Variants in CMYA5 observed in about 807,000 individuals in gnomAD.
The protein encoded by CMYA5 is cardiomyopathy associated 5.
Under a neutral mutation model 318.9 loss-of-function variants are expected in CMYA5, and 246 were observed. That is an observed-to-expected ratio of 0.77 (90% CI 0.70 to 0.86). The LOEUF (loss-of-function observed/expected upper bound fraction) is 0.86. Ranked by LOEUF, CMYA5 falls within the 40% of genes least tolerant of loss-of-function variation. The pLI is 0.00. For missense variants in CMYA5, 4,589 were observed against 4,678.2 expected, an observed-to-expected ratio of 0.98 and a Z score of 0.56; for synonymous variants, 1,641 against 1,729.5, an observed-to-expected ratio of 0.95 and a Z score of 1.27.
Position 79,745,443 on chromosome 5 carries a change from C to T in CMYA5, c.10956C>T (p.Ala3652=), listed in dbSNP as rs769944134. ...GAGAAGCAGAGGAGCTTGATGAGGCCGTCTTCCTGACTGTAAGTGCCAAGT... is the reference window on the plus strand; with the variant it reads ...GAGAAGCAGAGGAGCTTGATGAGGCTGTCTTCCTGACTGTAAGTGCCAAGT... The part of the protein sequence containing the change: ...IVREAEELDE[A]VFLTSFEEIN... The change falls in exon 4 of 13, where the codon GCC becomes GCT. Residue 3652 remains alanine, a synonymous_variant. Transcript: ENST00000446378. 7.4e-6 allele frequency: 12 copies of T among 1,613,264 alleles called. No homozygotes were observed. In the African/African-American group the frequency reaches 8.0e-5, roughly 11 times the overall value.
rs758065970 is a variant in CMYA5 at position 79,731,691 on chromosome 5, A to G, written c.2926A>G (p.Ile976Val). ...EKREFECDSPICLTSPSEHTI... is the reference protein window; with the variant it reads ...EKREFECDSPVCLTSPSEHTI... ...AAGAGAATTTGAGTGCGATTCTCCA[A>G]TATGTTTAACATCACCATCTGAGCA... Residue 976 changes from isoleucine to valine, a missense_variant, in exon 2 of 13, where the codon ATA becomes GTA. By Grantham distance (29) the Ile-to-Val change is conservative (BLOSUM62 3). Coordinates refer to ENST00000446378, the MANE Select transcript of CMYA5 (RefSeq NM_153610.5). The G allele has an allele frequency of 2.4e-5, 39 of 1,613,852 alleles. No individual in the cohort carries two copies. In the South Asian group the frequency reaches 3.6e-4, roughly 15 times the overall value.
intron 8 of CMYA5, 121 bp from the exon 9 acceptor site, chr5:79,762,941 C>G: frequency 1.7e-6 from 2 of 1,158,944 alleles, no homozygotes. Flanking sequence ...ACACAGAATA[C>G]ACTTTCTGAT....
chr5:79,729,201 C>T lies in CMYA5; in HGVS notation c.436C>T (p.Arg146Cys), dbSNP rs1323304506. 4.3e-6 allele frequency: 7 copies of T among 1,612,742 alleles called. No homozygotes were observed. Among genetic ancestry groups the T allele is most frequent in the Middle Eastern group, 1.6e-4 (1 of 6,072 alleles). ...GTCAAAGCATGGTTCACCATCATTA[C>T]GCCGGAAAGGCAACAGAAAAAGAAA... ...HKSKHGSPSL[R>C]RKGNRKRNSF... The change falls in exon 2 of 13, where the codon CGC (arginine) becomes TGC (cysteine). Residue 146 changes from arginine (R) to cysteine (C), a missense_variant. Arg to Cys is a radical substitution (Grantham distance 180, BLOSUM62 -3). Transcript: ENST00000446378.
chr5:79,760,028 G>T (rs890187223), intron 7 of CMYA5, among the ~76,000 whole-genome samples: 1 of 152,068 alleles, frequency 6.6e-6, no homozygotes, highest in Non-Finnish European at 1.5e-5. Context: ...CATGACCGGG[G>T]GCAGGAGTCA....
In CMYA5 at chr5:79,739,240, C is replaced by T; in HGVS notation, c.10475C>T (p.Ser3492Leu). ...GSERKEEDQL[S>L]SEVVTEKAQK... Reference sequence around the variant, plus strand: ...GAGAGGAAAGAAGAAGACCAATTATCATCTGAGGTAGTAACTGAAAAGGCA... The same window carrying T: ...GAGAGGAAAGAAGAAGACCAATTATTATCTGAGGTAGTAACTGAAAAGGCA... Residue 3492 changes from serine (S) to leucine (L), a missense_variant, in exon 2 of 13, where the codon TCA becomes TTA. Physicochemically the swap from Ser to Leu is moderately radical, Grantham distance 145. Coordinates refer to ENST00000446378, the MANE Select transcript of CMYA5 (RefSeq NM_153610.5). 1 of 1,612,818 alleles carries T rather than the reference C, an allele frequency of 6.2e-7. No homozygotes were observed.
intron 4 of CMYA5, 77 bp from the exon 5 acceptor site, chr5:79,747,014 G>T: frequency 2.3e-6 from 2 of 885,292 alleles, no homozygotes; most frequent in African/African-American, 1.7e-5. Context: ...TCTTTCTGTT[G>T]TTAATTAGCT....
At chr5:79,794,036 A>G (rs894823830) in intron 12 of CMYA5, among the ~76,000 whole-genome samples, 5 of 152,158 alleles carry the variant, frequency 3.3e-5, no homozygotes, top group Admixed American at 2.0e-4. Flanking sequence ...CACAGGGTGG[A>G]GAGAGACCAC....
chr5:79,734,345 T>G lies in CMYA5; in HGVS notation c.5580T>G (p.Asn1860Lys). 1 of 1,613,832 alleles carries G rather than the reference T, an allele frequency of 6.2e-7. No individual in the cohort carries two copies. Among genetic ancestry groups the G allele is most frequent in the Non-Finnish European group, 8.5e-7 (1 of 1,179,800 alleles). The change falls in exon 2 of 13, where the codon AAT becomes AAG. Residue 1860 changes from asparagine (N) to lysine (K), a missense_variant. Physicochemically the swap from Asn to Lys is moderately conservative, Grantham distance 94 (BLOSUM62 0). This residue lies in a region of CMYA5 where 2,132 missense variants were observed against 2,131.3 expected (regional missense o/e 1.00). Coordinates refer to ENST00000446378, the MANE Select transcript of CMYA5 (RefSeq NM_153610.5). ...GIKQFSLMRE[N>K]LPLEQSKSFM... ...AGCAGTTTTCACTTATGAGAGAGAATTTGCCTTTGGAACAATCAAAATCAT... is the reference window on the plus strand; with the variant it reads ...AGCAGTTTTCACTTATGAGAGAGAAGTTGCCTTTGGAACAATCAAAATCAT...
chr5:79,705,575 C>A (rs969002409), intron 1 of CMYA5, among the ~76,000 whole-genome samples: 5 of 152,150 alleles, frequency 3.3e-5, no homozygotes, highest in African/African-American at 7.2e-5. Context: ...TTCCCACCCA[C>A]ACATCTTCCC....
In CMYA5 at chr5:79,770,948, C is replaced by T. The variant is rs1240782765; in HGVS notation, c.11555+7739C>T. Among the ~76,000 whole-genome samples, 3 of 151,484 alleles carry T rather than the reference C, an allele frequency of 2.0e-5. No individual in the cohort carries two copies. In the East Asian group the frequency reaches 5.9e-4, roughly 30 times the overall value. On this transcript the variant is annotated intron_variant, in intron 9 of 12. Coordinates refer to ENST00000446378, the MANE Select transcript of CMYA5 (RefSeq NM_153610.5). ...TGGGATGTAGGCATTTAAGCAGAAG[C>T]GTAAACATAATAAGTGTTCAAGAAA...
chr5:79,763,374 A>C, intron 9 of CMYA5, 165 bp downstream of exon 9: 1 of 588,038 alleles, frequency 1.7e-6, no homozygotes. Context: ...CAGTTCACCA[A>C]TGAACTCCAA....
rs115257738 is a variant in CMYA5, at chr5:79,743,547, A to G, written c.10639-280A>G. ...AGTTCATTAAAACAGGTATGTTTTG[A>G]GCTCATCAGTTTATCAAGAAAGTCC... On this transcript the variant is annotated intron_variant, in intron 2 of 12. Coordinates refer to ENST00000446378, the MANE Select transcript of CMYA5 (RefSeq NM_153610.5). 8.8e-3 allele frequency among the ~76,000 whole-genome samples: 1,332 copies of G among 152,220 alleles called. 25 individuals carry two copies. Among genetic ancestry groups the G allele is most frequent in the African/African-American group, 0.03 (1,253 of 41,558 alleles).
chr5:79,750,612 A>C (rs533360303), intron 5 of CMYA5, among the ~76,000 whole-genome samples: 87 of 152,212 alleles, frequency 5.7e-4, no homozygotes, highest in African/African-American at 2.0e-3. Context: ...GCTTTTTCTC[A>C]ACACTAAAAA....
intron 11 of CMYA5, among the ~76,000 whole-genome samples, chr5:79,791,365 G>C (rs752739984): frequency 6.6e-6 from 1 of 152,070 alleles, no homozygotes; most frequent in Non-Finnish European, 1.5e-5. Flanking sequence ...GAAAAAAAGG[G>C]TCCAGTAATT....
chr5:79,762,934 C>A, intron 8 of CMYA5, 128 bp from the exon 9 acceptor site: 1 of 1,099,672 alleles, frequency 9.1e-7, no homozygotes, highest in Non-Finnish European at 1.3e-6. Context: ...GTTTTTAACA[C>A]AGAATACACT....
rs1827980853 is a variant in CMYA5, at chr5:79,733,809, A to T, written c.5044A>T (p.Lys1682Ter). ...AGCTGAGCTTAGGAGCAGAGAAGGA[A>T]AAGAAGAAAATAGAGAGCTTTGTGC... ...GPAELRSREG[K>*]EENRELCASS... is the part of the protein sequence containing the mutation. The change falls in exon 2 of 13, where the codon AAA becomes TAA. Residue 1682 changes from lysine to a stop codon, truncating the protein, a stop_gained. Transcript: ENST00000446378. LOFTEE classifies it high-confidence loss of function. 1.2e-6 allele frequency: 2 copies of T among 1,613,638 alleles called. No homozygotes were observed. Among genetic ancestry groups the T allele is most frequent in the African/African-American group, 2.7e-5 (2 of 74,920 alleles).
chr5:79,761,409 C>CT (rs1175056961), intron 7 of CMYA5, among the ~76,000 whole-genome samples: 8 of 152,056 alleles, frequency 5.3e-5, no homozygotes, highest in Non-Finnish European at 1.0e-4. Context: ...TGAAGTTGTC[C>CT]TTTTTTTATG....
intron 5 of CMYA5, 138 bp from the exon 6 acceptor site, chr5:79,752,538 C>A: frequency 3.8e-6 from 2 of 529,996 alleles, no homozygotes; most frequent in South Asian, 3.1e-5. Flanking sequence ...GCTTTAAATC[C>A]TTTTTTGGAT....
chr5:79,767,751 A>C (rs1018370332), intron 9 of CMYA5, among the ~76,000 whole-genome samples: 2 of 152,160 alleles, frequency 1.3e-5, no homozygotes, highest in South Asian at 4.1e-4. Context: ...AATAAGTGCA[A>C]TGTGGTGCTG....
Sources: allele counts gnomAD v4.1 joint callset (sites outside exome capture counted in the v4.1 genomes callset), GRCh38; gene constraint gnomAD v4.1.1; regional missense constraint gnomAD v4.1.1; transcripts MANE v1.5; gene names NCBI Gene and HGNC (gene_info 2026-07-23, HGNC 2026-07-21).